Variants in DPP10 observed in about 807,000 individuals in gnomAD.
The protein encoded by DPP10 is dipeptidyl peptidase like 10.
Under a neutral mutation model 120.9 loss-of-function variants are expected in DPP10, and 33 were observed. The observed-to-expected ratio is 0.27, with a 90% CI of 0.21 to 0.37. DPP10 has a LOEUF of 0.37. DPP10 is among the 10% of genes least tolerant of loss of function. The probability of loss-of-function intolerance (pLI) is 1.00; values close to 1 mark genes in which losing one functional copy is unlikely to be tolerated. For synonymous variants in DPP10, 337 were observed against 326.1 expected (o/e 1.03, Z -0.36); for missense variants, 816 against 942.8 (o/e 0.87, Z 1.76).
intron 1 of DPP10, among the ~76,000 whole-genome samples, chr2:114,837,867 C>T (rs1022843461): frequency 2.0e-5 from 3 of 152,276 alleles, no homozygotes; most frequent in Non-Finnish European, 4.4e-5. Context: ...CCATCTATTG[C>T]AGGTGGTGGA....
chr2:115,598,742 G>A (rs761768687), intron 5 of DPP10, among the ~76,000 whole-genome samples: 3 of 149,400 alleles, frequency 2.0e-5, no homozygotes, highest in African/African-American at 4.9e-5. Flanking sequence ...TTTTTAATGC[G>A]GTTTGTTTAT....
At chr2:114,732,667 T>A (rs1446592387) in intron 1 of DPP10, among the ~76,000 whole-genome samples, 1 of 152,224 alleles carries the variant, frequency 6.6e-6, no homozygotes, top group Admixed American at 6.5e-5. Context: ...AATTATACTA[T>A]GGATTGAAAA....
intron 7 of DPP10, among the ~76,000 whole-genome samples, chr2:115,708,743 C>G (rs2092218610): frequency 6.6e-6 from 1 of 152,002 alleles, no homozygotes; most frequent in South Asian, 2.1e-4. Context: ...CAGATCTTTA[C>G]ACTTATTCTT....
intron 1 of DPP10, among the ~76,000 whole-genome samples, chr2:114,707,831 C>A (rs1360644953): frequency 6.6e-6 from 1 of 152,162 alleles, no homozygotes; most frequent in African/African-American, 2.4e-5. Flanking sequence ...CCATCTCCAG[C>A]CTCTTAAGCA....
At chr2:115,289,485 C>CAAAAAAAAAAAAAAAAA (rs71394125) in intron 1 of DPP10, among the ~76,000 whole-genome samples, 2 of 38,922 alleles carry the variant, frequency 5.1e-5, no homozygotes, top group African/African-American at 1.9e-4. Context: ...CATAAGAAAC[C>CAAAAAAAAAAAAAAAAA]AAAAAAAAAA....
rs1226845544 is a variant in DPP10, at chr2:114,998,347, T to G, written c.61-310892T>G. On this transcript the variant is annotated intron_variant, in intron 1 of 25. Transcript: ENST00000410059. ...TTTCCTGATTCTTCATAGGACTTTT[T>G]GACATATTGCTTCAAACTCTTAGAT... Among the ~76,000 whole-genome samples, 4 of 152,208 alleles carry G rather than the reference T, an allele frequency of 2.6e-5. No individual in the cohort carries two copies. The East Asian group carries it at 7.7e-4, about 29-fold the overall frequency.
intron 1 of DPP10, among the ~76,000 whole-genome samples, chr2:114,890,814 T>C (rs1462457447): frequency 6.6e-6 from 1 of 152,184 alleles, no homozygotes; most frequent in Middle Eastern, 3.2e-3. Context: ...CAGGGTACAA[T>C]ATAGCCAAAT....
intron 25 of DPP10, among the ~76,000 whole-genome samples, 177 bp downstream of exon 25, chr2:115,841,000 C>G (rs1474854554): frequency 1.3e-5 from 2 of 151,650 alleles, no homozygotes; most frequent in Non-Finnish European, 2.9e-5. Context: ...TGAACTCATG[C>G]TTTACAAGTG....
intron 3 of DPP10, among the ~76,000 whole-genome samples, chr2:115,409,759 C>A (rs1371029146): frequency 5.3e-5 from 8 of 152,306 alleles, no homozygotes; most frequent in African/African-American, 1.9e-4. Context: ...GTGGAACCAC[C>A]CTAAATGTCC....
At chr2:114,462,130 C>T (rs1337553880) in intron 1 of DPP10, 8 of 985,130 alleles carry the variant, frequency 8.1e-6, no homozygotes, top group African/African-American at 3.5e-5. Context: ...AACATTATCC[C>T]GTAACACCAG....
At chr2:115,445,215 T>G (rs2012617) in intron 3 of DPP10, among the ~76,000 whole-genome samples, 30,046 of 152,116 alleles carry the variant, frequency 0.2, 3,736 homozygotes, top group East Asian at 0.39. Flanking sequence ...CTTTATGAAT[T>G]ACACAGTCTT....
rs531596471 is a variant in DPP10 at position 115,821,994 on chromosome 2, A to G, written c.1950+6265A>G. On this transcript the variant is annotated intron_variant, in intron 21 of 25. Coordinates refer to ENST00000410059, the MANE Select transcript of DPP10 (RefSeq NM_020868.6). Reference sequence around the variant, plus strand: ...CTTTGTATTTTATGTTTTAGGAACCATATAGGAGAGTTTCATTTGTTCTAC... The same window carrying G: ...CTTTGTATTTTATGTTTTAGGAACCGTATAGGAGAGTTTCATTTGTTCTAC... Among the ~76,000 whole-genome samples the G allele has an allele frequency of 2.6e-5, 4 of 152,102 alleles. No individual in the cohort carries two copies. The East Asian group carries it at 7.7e-4, about 29-fold the overall frequency.
At chr2:115,658,413 G>T (rs118072261) in intron 5 of DPP10, among the ~76,000 whole-genome samples, 10 of 150,956 alleles carry the variant, frequency 6.6e-5, no homozygotes, top group Admixed American at 5.3e-4. Flanking sequence ...GAATGAATTC[G>T]ATGTCTTAAA....
At chr2:114,623,535 T>C (rs1694260739) in intron 1 of DPP10, among the ~76,000 whole-genome samples, 1 of 152,106 alleles carries the variant, frequency 6.6e-6, no homozygotes, top group Non-Finnish European at 1.5e-5. Context: ...AATTGAGATT[T>C]TGAGAAACAC....
At chr2:114,566,743 C>T (rs1227561717) in intron 1 of DPP10, among the ~76,000 whole-genome samples, 2 of 152,206 alleles carry the variant, frequency 1.3e-5, no homozygotes, top group Non-Finnish European at 2.9e-5. Flanking sequence ...GAACACCAGG[C>T]AGGTGGTCTA....
intron 1 of DPP10, among the ~76,000 whole-genome samples, chr2:114,863,496 G>A (rs573800509): frequency 1.3e-5 from 2 of 152,176 alleles, no homozygotes; most frequent in Non-Finnish European, 2.9e-5. Flanking sequence ...GTGGGTTCCC[G>A]TATCTTCACT....
At chr2:114,618,122 G>A (rs1469733689) in intron 1 of DPP10, among the ~76,000 whole-genome samples, 1 of 152,114 alleles carries the variant, frequency 6.6e-6, no homozygotes, top group Admixed American at 6.6e-5. Context: ...ACTTAAATAT[G>A]TATCAAGAAG....
intron 1 of DPP10, among the ~76,000 whole-genome samples, chr2:115,087,656 C>T (rs34541672): frequency 0.24 from 36,012 of 149,800 alleles, 4,989 homozygotes; most frequent in East Asian, 0.31. Context: ...CGGGTTCAAG[C>T]GATTCTCCTG....
intron 1 of DPP10, among the ~76,000 whole-genome samples, chr2:115,140,454 C>T (rs962450956): frequency 2.6e-5 from 4 of 152,272 alleles, no homozygotes; most frequent in African/African-American, 4.8e-5. Context: ...ACCTTTTGGC[C>T]GCTCTAGGAA....
Sources: gnomAD v4.1 joint callset for allele counts (sites outside exome capture counted in the v4.1 genomes callset) on GRCh38, gnomAD v4.1.1 for gene constraint, MANE v1.5 for transcripts, NCBI Gene and HGNC (gene_info 2026-07-23, HGNC 2026-07-21) for gene names.